Variants in KIAA0232 observed in about 807,000 individuals in gnomAD.
KIAA0232 encodes uncharacterized protein KIAA0232.
Under a neutral mutation model 122.0 loss-of-function variants are expected in KIAA0232, and 27 were observed. The observed-to-expected ratio is 0.22, with a 90% CI of 0.16 to 0.31. The LOEUF is 0.31. Ranked by LOEUF, KIAA0232 falls within the 10% of genes least tolerant of loss-of-function variation. The pLI is 1.00. For missense variants in KIAA0232, 1,551 were observed against 1,634.2 expected (o/e 0.95, Z 0.88); for synonymous variants, 613 against 587.6 (o/e 1.04, Z -0.63).
intron 2 of KIAA0232, among the ~76,000 whole-genome samples, chr4:6,817,598 C>T (rs1718195163): frequency 6.6e-6 from 1 of 152,132 alleles, no homozygotes; most frequent in Admixed American, 6.5e-5. Flanking sequence ...GTTATAATTC[C>T]ATGTGGTCAG....
At chr4:6,867,752 A>G (rs1721261930) in intron 7 of KIAA0232, among the ~76,000 whole-genome samples, 1 of 152,172 alleles carries the variant, frequency 6.6e-6, no homozygotes, top group Non-Finnish European at 1.5e-5. Context: ...GGCTTCTGTC[A>G]CCACTATCCT....
chr4:6,868,064 G>A (rs889698280), intron 7 of KIAA0232, among the ~76,000 whole-genome samples: 2 of 152,156 alleles, frequency 1.3e-5, no homozygotes, highest in Admixed American at 1.3e-4. Flanking sequence ...TTGTGGCAAA[G>A]GGGCAAGATT....
chr4:6,814,371 A>G (rs1256386235), intron 2 of KIAA0232, among the ~76,000 whole-genome samples: 1 of 151,666 alleles, frequency 6.6e-6, no homozygotes, highest in Non-Finnish European at 1.5e-5. Flanking sequence ...ATGATCTCAT[A>G]GTTGGTTGTT....
chr4:6,811,530 C>T (rs1717876776), intron 2 of KIAA0232, among the ~76,000 whole-genome samples: 1 of 152,176 alleles, frequency 6.6e-6, no homozygotes, highest in Non-Finnish European at 1.5e-5. Flanking sequence ...GCAGCCTCTG[C>T]CTCCCGAGCT....
At chr4:6,791,272 A>G (rs1345365921) in intron 1 of KIAA0232, among the ~76,000 whole-genome samples, 1 of 123,688 alleles carries the variant, frequency 8.1e-6, no homozygotes, top group Non-Finnish European at 1.7e-5. Flanking sequence ...TGTGTTTTGT[A>G]TGATTTGCCA....
Position 6,858,445 on chromosome 4 carries a change from T to C in KIAA0232, c.457T>C (p.Leu153=), listed in dbSNP as rs1194684465. 3.7e-6 allele frequency: 6 copies of C among 1,604,462 alleles called. No homozygotes were observed. In the Admixed American group the frequency reaches 6.9e-5, roughly 18 times the overall value. ...AACAGAAGAGAAGATTCACAAAAAG[T>C]TAGAGGGGTCTCCCTCTCCAGAGGC... is the stretch of plus-strand genomic sequence containing the variant. ...SKQEEKIHKK[L]EGSPSPEAEL... The change falls in exon 6 of 10, where the codon TTA becomes CTA. Residue 153 remains leucine, a synonymous_variant. Transcript: ENST00000307659.
At chr4:6,788,095 G>A (rs1716712605) in intron 1 of KIAA0232, among the ~76,000 whole-genome samples, 1 of 152,128 alleles carries the variant, frequency 6.6e-6, no homozygotes, top group Non-Finnish European at 1.5e-5. Context: ...CTGGAGTGCA[G>A]CGGTGCCATC....
chr4:6,863,989 T>C lies in KIAA0232; in HGVS notation c.3607T>C (p.Ser1203Pro), dbSNP rs1447496206. The C allele has an allele frequency of 1.2e-6, 2 of 1,614,006 alleles. No individual in the cohort carries two copies. The highest frequency in any genetic ancestry group is 2.7e-5 in the African/African-American group (2 of 74,922). Residue 1203 changes from serine (S) to proline (P), a missense_variant, in exon 7 of 10, where the codon TCA becomes CCA. Coordinates refer to ENST00000307659, the MANE Select transcript of KIAA0232 (RefSeq NM_014743.3). ...CCAGGAGGAATCAACTGGGATTCTT[T>C]CAGTAGGAAAGCAAAATCAGTGTTT... ...DSQEESTGIL[S>P]VGKQNQCLEC...
chr4:6,802,265 T>C (rs538581873), intron 1 of KIAA0232, among the ~76,000 whole-genome samples: 226 of 152,272 alleles, frequency 1.5e-3, no homozygotes, highest in Non-Finnish European at 2.8e-3. Flanking sequence ...GTACGCTCTC[T>C]GAGTCAGTCA....
At chr4:6,799,184 C>G (rs777185162) in intron 1 of KIAA0232, among the ~76,000 whole-genome samples, 3 of 151,582 alleles carry the variant, frequency 2.0e-5, no homozygotes, top group Non-Finnish European at 4.4e-5. Flanking sequence ...CCGCATCTGT[C>G]TTCACGTGGG....
chr4:6,848,411 GA>G (rs1422070291), intron 4 of KIAA0232, among the ~76,000 whole-genome samples: 1 of 152,116 alleles, frequency 6.6e-6, no homozygotes, highest in Admixed American at 6.5e-5. Context: ...AAAATATTTG[GA>G]AAAAAATGGA....
rs542971790 is a variant in KIAA0232, at chr4:6,845,927, A to G, written c.369+3723A>G. Among the ~76,000 whole-genome samples the G allele has an allele frequency of 3.9e-5, 6 of 152,276 alleles. No homozygotes were observed. The South Asian group carries it at 1.2e-3, about 32-fold the overall frequency. On this transcript the variant is annotated intron_variant, in intron 4 of 9. Transcript: ENST00000307659. The stretch of plus-strand genomic sequence containing the variant: ...TGTCGTGTGATGTGAAGAACTTAGT[A>G]TGAGGTAGAAACAGTGCAAGGGAAT...
intron 2 of KIAA0232, among the ~76,000 whole-genome samples, chr4:6,820,812 C>G (rs1718388853): frequency 6.6e-6 from 1 of 152,144 alleles, no homozygotes; most frequent in Admixed American, 6.5e-5. Flanking sequence ...AACAGAATGA[C>G]ACAGATTAGG....
At chr4:6,812,440 T>C (rs1281273524) in intron 2 of KIAA0232, among the ~76,000 whole-genome samples, 1 of 151,890 alleles carries the variant, frequency 6.6e-6, no homozygotes, top group Non-Finnish European at 1.5e-5. Context: ...TAATGCCAGG[T>C]GAAAAAGGCA....
rs764716665 is a variant in KIAA0232 at position 6,855,740 on chromosome 4, G to T, written c.370-1424G>T. 1.4e-5 allele frequency: 6 copies of T among 420,588 alleles called. No homozygotes were observed. The highest frequency in any genetic ancestry group is 1.9e-5 in the Non-Finnish European group (6 of 313,742). 26.1% of individuals were successfully genotyped at this position (420,588 alleles called of 1,614,324 possible). On this transcript the variant is annotated intron_variant, in intron 4 of 9. Transcript: ENST00000307659. This position sits in a 1 kb window ranked among gnomAD's most constrained non-coding sequence, Gnocchi z 4.3. ...TTAATAAGTGATCCCTAGAGGTTCA[G>T]TGTTCTGCATTGCGAGACTAGCCCT...
chr4:6,808,522 G>C (rs2108960209), intron 2 of KIAA0232, among the ~76,000 whole-genome samples: 1 of 150,056 alleles, frequency 6.7e-6, no homozygotes, highest in Admixed American at 6.7e-5. Context: ...AAGAGTACAA[G>C]TTGCTTTACA....
chr4:6,818,080 A>G (rs1251369151), intron 2 of KIAA0232, among the ~76,000 whole-genome samples: 2 of 152,136 alleles, frequency 1.3e-5, no homozygotes, highest in African/African-American at 2.4e-5. Flanking sequence ...TTATACACCT[A>G]TAACATTCAA....
chr4:6,862,335 T>A lies in KIAA0232; in HGVS notation c.1953T>A (p.Phe651Leu). 6.2e-7 allele frequency: 1 copy of A among 1,614,170 alleles called. No individual in the cohort carries two copies. The highest frequency in any genetic ancestry group is 1.1e-5 in the South Asian group (1 of 91,082). Residue 651 changes from phenylalanine to leucine, a missense_variant, in exon 7 of 10, where the codon TTT (phenylalanine) becomes TTA (leucine). Phe to Leu is a conservative substitution (Grantham distance 22). Coordinates refer to ENST00000307659, the MANE Select transcript of KIAA0232 (RefSeq NM_014743.3). ...GSGINSCFSV[F>L]EVQCSNSVLP... The stretch of plus-strand genomic sequence containing the variant: ...GTATAAACTCTTGTTTTTCAGTGTT[T>A]GAAGTGCAATGCAGTAATTCTGTTT...
chr4:6,864,800 G>A (rs911714081), intron 7 of KIAA0232, among the ~76,000 whole-genome samples: 1 of 150,004 alleles, frequency 6.7e-6, no homozygotes, highest in East Asian at 2.0e-4. Flanking sequence ...ACATGAAAGT[G>A]TTCTAACATT....
Sources: gnomAD v4.1 joint callset for allele counts (sites outside exome capture counted in the v4.1 genomes callset) on GRCh38, gnomAD v4.1.1 for gene constraint, Gnocchi (gnomAD v3.1) non-coding constraint, MANE v1.5 for transcripts, NCBI Gene and HGNC (gene_info 2026-07-23, HGNC 2026-07-21) for gene names.